ZNF496: variants seen among roughly 807,000 people sequenced by gnomAD.
ZNF496 encodes NSD1 (nuclear receptor binding SET-domain containing 1)-interacting zinc finger protein 1.
A neutral mutation model predicts 58.9 loss-of-function variants in ZNF496; 11 were observed. The observed-to-expected ratio is 0.19, with a 90% CI of 0.12 to 0.31. The LOEUF is 0.31. Ranked by LOEUF, ZNF496 falls within the 10% of genes least tolerant of loss-of-function variation. The pLI is 1.00. For missense variants in ZNF496, 660 were observed against 783.0 expected, an observed-to-expected ratio of 0.84 and a Z score of 1.88; for synonymous variants, 338 against 318.2, an observed-to-expected ratio of 1.06 and a Z score of -0.66.
intron 9 of ZNF496, among the ~76,000 whole-genome samples, chr1:247,305,889 A>G (rs1203887920): frequency 1.3e-5 from 2 of 152,240 alleles, no homozygotes; most frequent in Non-Finnish European, 2.9e-5. Context: ...AGACCAGTCT[A>G]GGCAACATAA....
At chr1:247,326,125 T>TACATATATATATATACAC (rs1454704538) in intron 5 of ZNF496, among the ~76,000 whole-genome samples, 1 of 146,382 alleles carries the variant, frequency 6.8e-6, no homozygotes, top group Non-Finnish European at 1.5e-5. Flanking sequence ...TATATATACA[T>TACATATATATATATACAC]ACATATATAT....
At chr1:247,305,189 T>C (rs1035412169) in intron 9 of ZNF496, among the ~76,000 whole-genome samples, 4 of 152,046 alleles carry the variant, frequency 2.6e-5, no homozygotes, top group Non-Finnish European at 5.9e-5. Context: ...GCAGGAAAAT[T>C]GCTGGAACAC....
chr1:247,326,895 A>G (rs1323632621), intron 5 of ZNF496, among the ~76,000 whole-genome samples: 1 of 152,106 alleles, frequency 6.6e-6, no homozygotes, highest in Non-Finnish European at 1.5e-5. Flanking sequence ...CTGCTCTGCA[A>G]ACTTCTCTTA....
intron 6 of ZNF496, among the ~76,000 whole-genome samples, chr1:247,317,981 A>G (rs987525177): frequency 6.6e-6 from 1 of 152,210 alleles, no homozygotes; most frequent in African/African-American, 2.4e-5. Context: ...ACTCCAAACA[A>G]ACGAAAAAAT....
At chr1:247,317,861 G>T (rs1204806956) in intron 6 of ZNF496, among the ~76,000 whole-genome samples, 4 of 152,132 alleles carry the variant, frequency 2.6e-5, no homozygotes, top group African/African-American at 7.2e-5. Flanking sequence ...ATCTGAAACT[G>T]AATGAATAAA....
chr1:247,329,454 C>T lies in ZNF496; in HGVS notation c.125G>A (p.Arg42Gln), dbSNP rs377235640. The T allele has an allele frequency of 6.6e-5, 106 of 1,612,172 alleles. No individual in the cohort carries two copies. Among genetic ancestry groups the T allele is most frequent in the South Asian group, 2.4e-4 (22 of 90,982 alleles). The change falls in exon 4 of 10, where the codon CGG (arginine) becomes CAG (glutamine). Residue 42 changes from arginine to glutamine, a missense_variant. By Grantham distance (43) the Arg-to-Gln change is conservative. Transcript: ENST00000682384. This position sits in a 1 kb window ranked among gnomAD's most constrained non-coding sequence, Gnocchi z 5.5. ...QGELPSPESS[R>Q]RLFRRFRYQE... The stretch of plus-strand genomic sequence containing the variant: ...GTAGCGGAAACGGCGGAAGAGACGC[C>T]GAGAGGACTCGGGGCTGGGAAGCTC...
intron 6 of ZNF496, chr1:247,310,756 T>C (rs372876673): frequency 1.4e-5 from 4 of 277,644 alleles, no homozygotes; most frequent in East Asian, 1.3e-4. Context: ...TCATGAGGAC[T>C]TTGCCCTTGT....
chr1:247,330,234 C>CA (rs1293608103), intron 2 of ZNF496, among the ~76,000 whole-genome samples, 153 bp from the exon 3 acceptor site: 1 of 152,120 alleles, frequency 6.6e-6, no homozygotes, highest in Non-Finnish European at 1.5e-5. Context: ...CAATGGGAGG[C>CA]AAGGGAAAAC....
intron 6 of ZNF496, chr1:247,312,631 T>C (rs1443956384): frequency 6.6e-6 from 1 of 150,780 alleles, no homozygotes; most frequent in Non-Finnish European, 1.5e-5. Context: ...CCAGGTGTGG[T>C]GGTGCACATC....
Position 247,309,525 on chromosome 1 carries a change from ATTCT to A in ZNF496, c.892+170_892+173del. 2.8e-6 allele frequency: 4 copies of A among 1,419,898 alleles called. No homozygotes were observed. The highest frequency in any genetic ancestry group is 2.7e-6 in the Non-Finnish European group (3 of 1,091,140). 88.0% of individuals were successfully genotyped at this position (1,419,898 alleles called of 1,614,324 possible). A position where few individuals can be genotyped will look rare whatever the true frequency, so the allele number is the denominator to read the frequency against. On this transcript the variant is annotated intron_variant, in intron 8 of 9. Transcript: ENST00000682384. This position sits in a 1 kb window ranked among gnomAD's most constrained non-coding sequence, Gnocchi z 4.3. ...ATGCCTGGCAAAATTAAGATCCTCC[ATTCT>A]TTCTATGAAAAGTCAGGGACAAGGC...
At position 247,329,068 on chromosome 1, in the gene ZNF496, C is replaced by T. The variant is rs1660230962; in HGVS notation, c.390+121G>A. On this transcript the variant is annotated intron_variant, in intron 4 of 9. Coordinates refer to ENST00000682384, the MANE Select transcript of ZNF496 (RefSeq NM_032752.3). The surrounding 1 kb of genome is among the most constrained non-coding windows in gnomAD (Gnocchi z 5.5). Reference sequence around the variant, plus strand: ...CTTTCTTAGGAAACTCTAGTCTGGACCTAACCAAAGTAAATGGCTCTCGAT... The same window carrying T: ...CTTTCTTAGGAAACTCTAGTCTGGATCTAACCAAAGTAAATGGCTCTCGAT... 6.5e-7 allele frequency: 1 copy of T among 1,529,712 alleles called. No individual in the cohort carries two copies. Among genetic ancestry groups the T allele is most frequent in the Non-Finnish European group, 8.9e-7 (1 of 1,121,484 alleles). The allele number at this position is 1,529,712 out of a possible 1,614,324, so 94.8% of individuals were successfully genotyped here.
chr1:247,328,171 T>A (rs1660198064), intron 5 of ZNF496, among the ~76,000 whole-genome samples: 1 of 152,202 alleles, frequency 6.6e-6, no homozygotes, highest in African/African-American at 2.4e-5. Context: ...ATACTCAAAC[T>A]ATGTGTAGCT....
chr1:247,298,047 G>T lies in ZNF496; in HGVS notation c.*2472C>A, dbSNP rs2103013053. On this transcript the variant is annotated 3_prime_UTR_variant, in exon 10 of 10. Coordinates refer to ENST00000682384, the MANE Select transcript of ZNF496 (RefSeq NM_032752.3). Reference sequence around the variant, plus strand: ...GCTACAGAGAGAATCCTCAGCACAGGTAGGAGCACACAGGTAGGTGGGGTA... The same window carrying T: ...GCTACAGAGAGAATCCTCAGCACAGTTAGGAGCACACAGGTAGGTGGGGTA... 1 of 152,292 alleles carries T rather than the reference G, an allele frequency of 6.6e-6. No homozygotes were observed. The allele number at this position is 152,292 out of a possible 1,614,324, so 9.4% of individuals were successfully genotyped here. A position where few individuals can be genotyped will look rare whatever the true frequency, so the allele number is the denominator to read the frequency against.
In ZNF496 at chr1:247,309,789, G is replaced by T. The variant is rs1256496952; in HGVS notation, c.802C>A (p.Pro268Thr). ...TTCTCCTCTCCCTGGGAGAGATCTG[G>T]CTGGGCAGCTAGGTCGTCTGTTCAA... ...SMPPNDLAAQ[P>T]DLSQGEENEP... The change falls in exon 8 of 10, where the codon CCA becomes ACA. Residue 268 changes from proline to threonine, a missense_variant. Coordinates refer to ENST00000682384, the MANE Select transcript of ZNF496 (RefSeq NM_032752.3). This position sits in a 1 kb window ranked among gnomAD's most constrained non-coding sequence, Gnocchi z 4.3. The T allele has an allele frequency of 3.1e-6, 5 of 1,614,196 alleles. No individual in the cohort carries two copies. Among genetic ancestry groups the T allele is most frequent in the Admixed American group, 1.7e-5 (1 of 60,016 alleles).
Position 247,328,762 on chromosome 1 carries a change from G to T in ZNF496, c.495C>A (p.Asn165Lys), listed in dbSNP as rs146066456. Residue 165 changes from asparagine (N) to lysine (K), a missense_variant, in exon 5 of 10, where the codon AAC (asparagine) becomes AAA (lysine). Asn to Lys is a moderately conservative substitution (Grantham distance 94). Transcript: ENST00000682384. ...PVEPHSDLAKNQDAQPITLAQ... is the reference protein window; with the variant it reads ...PVEPHSDLAKKQDAQPITLAQ... ...CCAGGGTTATGGGCTGGGCATCCTG[G>T]TTCTTTGCAAGGTCGCTGTGGGGCT... 6.2e-7 allele frequency: 1 copy of T among 1,613,828 alleles called. No homozygotes were observed. The highest frequency in any genetic ancestry group is 8.5e-7 in the Non-Finnish European group (1 of 1,179,904).
chr1:247,328,861 C>T lies in ZNF496; in HGVS notation c.396G>A (p.Lys132=), dbSNP rs765583342. The T allele has an allele frequency of 2.5e-6, 4 of 1,588,572 alleles. No homozygotes were observed. The Admixed American group carries it at 7.2e-5, about 29-fold the overall frequency. The change falls in exon 5 of 10, where the codon AAG becomes AAA. Residue 132 remains lysine, a synonymous_variant. Transcript: ENST00000682384. ...CAATCACCACAGGGTCTTCACAGTG[C>T]TTGAGCTGCAATCCCAGAGACAGCT... ...REPGRPWQWL[K]HCEDPVVIDD...
In ZNF496 at chr1:247,329,100, C is replaced by T. The variant is rs1660232160; in HGVS notation, c.390+89G>A. On this transcript the variant is annotated intron_variant, in intron 4 of 9. Transcript: ENST00000682384. This position sits in a 1 kb window ranked among gnomAD's most constrained non-coding sequence, Gnocchi z 5.5. Reference sequence around the variant, plus strand: ...AAAGTAAATGGCTCTCGATGGAACTCCTCATTCCCCAGCCAGCACATGCAT... The same window carrying T: ...AAAGTAAATGGCTCTCGATGGAACTTCTCATTCCCCAGCCAGCACATGCAT... 1.3e-6 allele frequency: 2 copies of T among 1,589,982 alleles called. No individual in the cohort carries two copies. The highest frequency in any genetic ancestry group is 1.7e-6 in the Non-Finnish European group (2 of 1,163,584).
Position 247,300,362 on chromosome 1 carries a change from C to T in ZNF496, c.*157G>A. ...CATTACCTGGGGGAGGGAGAGTGCTCCCATGGCACCACCCGAACGCTCACT... is the reference window on the plus strand; with the variant it reads ...CATTACCTGGGGGAGGGAGAGTGCTTCCATGGCACCACCCGAACGCTCACT... On this transcript the variant is annotated 3_prime_UTR_variant, in exon 10 of 10. Coordinates refer to ENST00000682384, the MANE Select transcript of ZNF496 (RefSeq NM_032752.3). The surrounding 1 kb of genome is among the most constrained non-coding windows in gnomAD (Gnocchi z 5.7). 2 of 720,678 alleles carry T rather than the reference C, an allele frequency of 2.8e-6. No individual in the cohort carries two copies. The highest frequency in any genetic ancestry group is 6.0e-5 in the South Asian group (2 of 33,186). 44.6% of individuals were successfully genotyped at this position (720,678 alleles called of 1,614,324 possible).
intron 9 of ZNF496, chr1:247,307,547 A>T: frequency 2.0e-6 from 2 of 985,468 alleles, no homozygotes; most frequent in Non-Finnish European, 2.4e-6. Context: ...CTTGGCACGC[A>T]GAGGTGGGCT....
Sources: gnomAD v4.1 joint callset for allele counts (sites outside exome capture counted in the v4.1 genomes callset) on GRCh38, gnomAD v4.1.1 for gene constraint, Gnocchi (gnomAD v3.1) non-coding constraint, MANE v1.5 for transcripts, NCBI Gene and HGNC (gene_info 2026-07-23, HGNC 2026-07-21) for gene names.